The following JAKMIP3 variants were observed in gnomAD, a reference collection of about 807,000 sequenced individuals.
JAKMIP3 encodes Janus kinase and microtubule interacting protein 3, also known as janus kinase and microtubule-interacting protein 3.
In JAKMIP3, 58 loss-of-function variants were observed where a neutral mutation model predicts 118.5. The ratio of observed to expected loss-of-function variants is 0.49; its 90% CI spans 0.40 to 0.61. JAKMIP3 has a LOEUF of 0.61. Among genes scored for constraint, JAKMIP3 ranks in the 20% least tolerant of loss-of-function variants. JAKMIP3 has a pLI of 0.00. For missense variants in JAKMIP3, 950 were observed against 1,109.0 expected, an observed-to-expected ratio of 0.86 and a Z score of 2.04; for synonymous variants, 486 against 451.2, an observed-to-expected ratio of 1.08 and a Z score of -0.98.
chr10:132,131,438 A>C (rs1005472399), intron 3 of JAKMIP3, among the ~76,000 whole-genome samples: 3 of 147,758 alleles, frequency 2.0e-5, no homozygotes, highest in African/African-American at 7.6e-5. Flanking sequence ...TGGGGGCCTG[A>C]GAGACAGGGT....
intron 1 of JAKMIP3, among the ~76,000 whole-genome samples, chr10:132,073,898 A>G (rs1445102536): frequency 2.0e-5 from 3 of 152,198 alleles, no homozygotes; most frequent in African/African-American, 7.2e-5. Flanking sequence ...CAATGTTGAG[A>G]TTGCTGGATC....
At chr10:132,089,550 A>G (rs1210141692) in intron 1 of JAKMIP3, among the ~76,000 whole-genome samples, 1 of 152,178 alleles carries the variant, frequency 6.6e-6, no homozygotes, top group Non-Finnish European at 1.5e-5. Context: ...ATTTTTGCAC[A>G]TTGATTTTCT....
At chr10:132,162,063 G>T (rs1183691661) in intron 19 of JAKMIP3, among the ~76,000 whole-genome samples, 1 of 145,218 alleles carries the variant, frequency 6.9e-6, no homozygotes, top group Non-Finnish European at 1.5e-5. Flanking sequence ...TCGGTCGCTC[G>T]GGTGCCCTCA....
At position 132,184,261 on chromosome 10, in the gene JAKMIP3, C is replaced by T. The variant is rs2061685459; in HGVS notation, c.*3008C>T. On this transcript the variant is annotated 3_prime_UTR_variant, in exon 24 of 24. Transcript: ENST00000684848. ...ATGGCTGTTCCTTAAAGTCTCTGCC[C>T]TTGCAGAATCTGTAGCCTTCAGGAT... 6.6e-6 allele frequency: 1 copy of T among 152,196 alleles called. No individual in the cohort carries two copies. The highest frequency in any genetic ancestry group is 2.4e-5 in the African/African-American group (1 of 41,442). 9.4% of individuals were successfully genotyped at this position (152,196 alleles called of 1,614,324 possible). A position where few individuals can be genotyped will look rare whatever the true frequency, so the allele number is the denominator to read the frequency against.
intron 1 of JAKMIP3, among the ~76,000 whole-genome samples, chr10:132,074,987 T>G (rs1341253799): frequency 6.6e-6 from 1 of 152,206 alleles, no homozygotes; most frequent in Non-Finnish European, 1.5e-5. Flanking sequence ...CAGCTGGTTG[T>G]AGGTAAGTGG....
chr10:132,169,254 A>G (rs907539898), intron 23 of JAKMIP3, among the ~76,000 whole-genome samples: 2 of 151,986 alleles, frequency 1.3e-5, no homozygotes, highest in African/African-American at 2.4e-5. Flanking sequence ...GTCTGCAGAC[A>G]TGGTGCTCCA....
At chr10:132,046,231 G>A (rs1241999837) in intron 1 of JAKMIP3, among the ~76,000 whole-genome samples, 2 of 152,164 alleles carry the variant, frequency 1.3e-5, no homozygotes, top group African/African-American at 2.4e-5. Context: ...GAGGCGGGCA[G>A]ATCACAAGGT....
intron 13 of JAKMIP3, 87 bp downstream of exon 13, chr10:132,145,667 G>A (rs745908187): frequency 1.5e-5 from 17 of 1,164,602 alleles, no homozygotes; most frequent in Non-Finnish European, 2.0e-5. Flanking sequence ...GAAGGATGGA[G>A]CGAGGGCTGA....
At position 132,147,945 on chromosome 10, in the gene JAKMIP3, G is replaced by A. The variant is rs150188036; in HGVS notation, c.1750-7G>A. ...ACCCCTCACCTCATGCATCTTTTAT[G>A]TTGCAGATCAAACAAATGGAGACGG... On this transcript the variant is annotated splice_region_variant and splice_polypyrimidine_tract_variant and intron_variant, in intron 13 of 23. Transcript: ENST00000684848. 2.2e-4 allele frequency: 351 copies of A among 1,593,300 alleles called. No homozygotes were observed. The highest frequency in any genetic ancestry group is 3.3e-4 in the Middle Eastern group (2 of 6,042).
chr10:132,152,952 G>C lies in JAKMIP3; in HGVS notation c.2008-6G>C. 6.2e-7 allele frequency: 1 copy of C among 1,601,968 alleles called. No individual in the cohort carries two copies. Among genetic ancestry groups the C allele is most frequent in the Non-Finnish European group, 8.5e-7 (1 of 1,174,574 alleles). On this transcript the variant is annotated splice_region_variant and splice_polypyrimidine_tract_variant and intron_variant, in intron 16 of 23. Transcript: ENST00000684848. The stretch of plus-strand genomic sequence containing the variant: ...GACCGCACCTGTGTTCTGCTTTTGG[G>C]TGCAGAACCTGACCAATGAGGAGCA...
chr10:132,067,879 G>A (rs555692752), intron 1 of JAKMIP3, among the ~76,000 whole-genome samples: 23 of 145,812 alleles, frequency 1.6e-4, no homozygotes, highest in South Asian at 9.0e-4. Flanking sequence ...GTGGGCTTCC[G>A]TGTGGACTGG....
intron 23 of JAKMIP3, among the ~76,000 whole-genome samples, chr10:132,180,608 T>C (rs1416298782): frequency 0.022 from 615 of 28,400 alleles, 86 homozygotes; most frequent in African/African-American, 0.029. Flanking sequence ...CGTGCGCGTG[T>C]GTGTGTGCGT....
chr10:132,137,343 C>G, intron 8 of JAKMIP3, 54 bp downstream of exon 8: 1 of 1,604,990 alleles, frequency 6.2e-7, no homozygotes, highest in South Asian at 1.1e-5. Context: ...CGCAGTTGCC[C>G]GTGGGACCCA....
chr10:132,179,930 G>A lies in JAKMIP3; in HGVS notation c.*1104-2427G>A, dbSNP rs1166041513. On this transcript the variant is annotated intron_variant, in intron 23 of 23. Coordinates refer to ENST00000684848, the MANE Select transcript of JAKMIP3 (RefSeq NM_001323087.2). This position sits in a 1 kb window ranked among gnomAD's most constrained non-coding sequence, Gnocchi z 4.3. ...GCTCTTCCCCCTGTGAGGTGCACAC[G>A]GGGCACACACTCCCTCCAGCAGCAA... is the stretch of plus-strand genomic sequence containing the variant. 6.6e-6 allele frequency among the ~76,000 whole-genome samples: 1 copy of A among 152,128 alleles called. No homozygotes were observed. Among genetic ancestry groups the A allele is most frequent in the Non-Finnish European group, 1.5e-5 (1 of 68,032 alleles).
Position 132,153,934 on chromosome 10 carries a change from G to A in JAKMIP3, c.2164G>A (p.Gly722Ser), listed in dbSNP as rs145409897. 8.7e-6 allele frequency: 14 copies of A among 1,612,984 alleles called. No individual in the cohort carries two copies. In the African/African-American group the frequency reaches 1.6e-4, roughly 18 times the overall value. ...TCAGGAGCTGTTCAGTAAGCAGAAG[G>A]GCTACCTGGACGAGGAGCTGGACTA... Reference protein sequence around the residue: ...SEKELFSKQKGYLDEELDYRK... With the variant: ...SEKELFSKQKSYLDEELDYRK... The change falls in exon 19 of 24, where the codon GGC (glycine) becomes AGC (serine). Residue 722 changes from glycine (G) to serine (S), a missense_variant. Gly to Ser is a moderately conservative substitution (Grantham distance 56). Transcript: ENST00000684848.
chr10:132,040,601 T>C (rs2037710672), intron 1 of JAKMIP3, among the ~76,000 whole-genome samples: 1 of 152,038 alleles, frequency 6.6e-6, no homozygotes, highest in Non-Finnish European at 1.5e-5. Context: ...TTTGGGTTGA[T>C]TTTAATCCTT....
At chr10:132,127,351 T>C (rs7899271) in intron 3 of JAKMIP3, among the ~76,000 whole-genome samples, 21,111 of 151,564 alleles carry the variant, frequency 0.14, 2,364 homozygotes, top group East Asian at 0.3. Context: ...GCCTCCCAAG[T>C]AGCTGGGATT....
chr10:132,119,167 CG>C, intron 3 of JAKMIP3, among the ~76,000 whole-genome samples: 1 of 151,124 alleles, frequency 6.6e-6, no homozygotes, highest in East Asian at 1.9e-4. Flanking sequence ...TCTCCATCCT[CG>C]CCAGATCTCT....
intron 1 of JAKMIP3, among the ~76,000 whole-genome samples, chr10:132,090,762 G>A (rs911761721): frequency 1.3e-5 from 2 of 152,054 alleles, no homozygotes; most frequent in Non-Finnish European, 2.9e-5. Flanking sequence ...GAATGTGTTT[G>A]CCCTTGCTTC....
Sources: allele counts gnomAD v4.1 joint callset (sites outside exome capture counted in the v4.1 genomes callset), GRCh38; gene constraint gnomAD v4.1.1; non-coding constraint Gnocchi (gnomAD v3.1); transcripts MANE v1.5; gene names NCBI Gene and HGNC (gene_info 2026-07-23, HGNC 2026-07-21).